Variants in TMC1 observed in about 807,000 individuals in gnomAD.
TMC1 encodes transmembrane channel like 1, also known as transmembrane channel-like protein 1.
Under a neutral mutation model 105.8 loss-of-function variants are expected in TMC1, and 84 were observed. The observed-to-expected ratio is 0.79, with a 90% CI of 0.67 to 0.95. The LOEUF (loss-of-function observed/expected upper bound fraction) is 0.95, where lower values mean the gene tolerates loss of function less well. TMC1 is among the 40% of genes least tolerant of loss of function. TMC1 has a pLI of 0.00. For synonymous variants in TMC1, 315 were observed against 311.5 expected (o/e 1.01, Z -0.12); for missense variants, 817 against 914.1 (o/e 0.89, Z 1.37).
chr9:72,545,924 C>T (rs1823758243), intron 1 of TMC1, among the ~76,000 whole-genome samples: 1 of 150,640 alleles, frequency 6.6e-6, no homozygotes, highest in Non-Finnish European at 1.5e-5. Flanking sequence ...AATGTCATCG[C>T]TCAAAAAAGT....
chr9:72,585,165 T>C lies in TMC1; in HGVS notation c.-306+7142T>C, dbSNP rs1389625579. 2.7e-5 allele frequency among the ~76,000 whole-genome samples: 4 copies of C among 148,748 alleles called. No individual in the cohort carries two copies. The East Asian group carries it at 8.1e-4, about 30-fold the overall frequency. On this transcript the variant is annotated intron_variant, in intron 2 of 23. Coordinates refer to ENST00000297784, the MANE Select transcript of TMC1 (RefSeq NM_138691.3). ...TGGGTGCCATGTCTTTTTTTTTTTT[T>C]TTTGAGATGGAGTCTTGCTCTGTCG... is the stretch of plus-strand genomic sequence containing the variant.
chr9:72,769,725 C>G (rs140145128), intron 12 of TMC1, among the ~76,000 whole-genome samples: 7 of 152,264 alleles, frequency 4.6e-5, no homozygotes, highest in African/African-American at 1.7e-4. Flanking sequence ...TAAATGTTCA[C>G]GAAATGTATA....
At chr9:72,652,403 G>C (rs576212374) in intron 5 of TMC1, among the ~76,000 whole-genome samples, 1 of 152,100 alleles carries the variant, frequency 6.6e-6, no homozygotes, top group Admixed American at 6.6e-5. Flanking sequence ...AGAATGACAA[G>C]GGAAGATGGC....
chr9:72,528,009 T>G (rs1023727196), intron 1 of TMC1, among the ~76,000 whole-genome samples: 1 of 152,170 alleles, frequency 6.6e-6, no homozygotes, highest in Non-Finnish European at 1.5e-5. Flanking sequence ...TCTGCTGTGG[T>G]CTGAATGTTT....
rs1829149833 is a variant in TMC1 at position 72,837,891 on chromosome 9, A to G, written c.*1918A>G. The stretch of plus-strand genomic sequence containing the variant: ...CAGATTGACTTCCATTCTCAATCTT[A>G]TCACTCCCTTTTTAGGATTCCTTGG... On this transcript the variant is annotated 3_prime_UTR_variant, in exon 24 of 24. Coordinates refer to ENST00000297784, the MANE Select transcript of TMC1 (RefSeq NM_138691.3). 1 of 152,328 alleles carries G rather than the reference A, an allele frequency of 6.6e-6. No homozygotes were observed. The highest frequency in any genetic ancestry group is 1.9e-4 in the East Asian group (1 of 5,192). 9.4% of individuals were successfully genotyped at this position (152,328 alleles called of 1,614,324 possible).
At chr9:72,617,752 C>T (rs1825158880) in intron 3 of TMC1, among the ~76,000 whole-genome samples, 2 of 152,064 alleles carry the variant, frequency 1.3e-5, no homozygotes, top group Non-Finnish European at 2.9e-5. Context: ...ACTGTGTGAA[C>T]CCAAGATGTT....
intron 5 of TMC1, among the ~76,000 whole-genome samples, chr9:72,685,657 C>T (rs1826369256): frequency 6.6e-6 from 1 of 152,124 alleles, no homozygotes; most frequent in Non-Finnish European, 1.5e-5. Context: ...AGCCACTGCG[C>T]CTGGCCTATA....
intron 1 of TMC1, among the ~76,000 whole-genome samples, chr9:72,572,608 G>A (rs1824307813): frequency 6.6e-6 from 1 of 152,130 alleles, no homozygotes; most frequent in Non-Finnish European, 1.5e-5. Flanking sequence ...GCTTCCTAAA[G>A]GGGTAATACC....
chr9:72,798,937 T>C (rs1828420658), intron 17 of TMC1, among the ~76,000 whole-genome samples: 1 of 152,120 alleles, frequency 6.6e-6, no homozygotes, highest in African/African-American at 2.4e-5. Flanking sequence ...AAAAAAATAC[T>C]ATTTTAAGTT....
rs1829154685 is a variant in TMC1 at position 72,838,216 on chromosome 9, A to T, written c.*2243A>T. On this transcript the variant is annotated 3_prime_UTR_variant, in exon 24 of 24. Coordinates refer to ENST00000297784, the MANE Select transcript of TMC1 (RefSeq NM_138691.3). ...TTTACTATGATGTAAGAAATGGATT[A>T]TCTGTTGATAGGCTGAGTTTATTGT... 6.6e-6 allele frequency: 1 copy of T among 152,248 alleles called. No individual in the cohort carries two copies. Among genetic ancestry groups the T allele is most frequent in the South Asian group, 2.1e-4 (1 of 4,836 alleles). 9.4% of individuals were successfully genotyped at this position (152,248 alleles called of 1,614,324 possible).
intron 1 of TMC1, among the ~76,000 whole-genome samples, chr9:72,553,903 T>C (rs745621718): frequency 1.3e-5 from 2 of 152,214 alleles, no homozygotes; most frequent in South Asian, 4.1e-4. Context: ...ACGACTATTA[T>C]ATCTGAAAAC....
intron 17 of TMC1, among the ~76,000 whole-genome samples, chr9:72,794,811 G>A (rs992154176): frequency 2.0e-5 from 3 of 152,186 alleles, no homozygotes; most frequent in African/African-American, 7.2e-5. Flanking sequence ...AATTCAGACT[G>A]TGGAGAGGAA....
chr9:72,764,403 G>A (rs562637736), intron 12 of TMC1, among the ~76,000 whole-genome samples: 8 of 152,086 alleles, frequency 5.3e-5, no homozygotes, highest in African/African-American at 1.9e-4. Context: ...TCCTCCTTGC[G>A]AAATGAAAGA....
intron 8 of TMC1, among the ~76,000 whole-genome samples, chr9:72,720,373 G>A (rs1312226078): frequency 6.6e-6 from 1 of 152,146 alleles, no homozygotes; most frequent in African/African-American, 2.4e-5. Flanking sequence ...GAGAAGTAAG[G>A]GGAAAGAGAT....
intron 11 of TMC1, 95 bp downstream of exon 11, chr9:72,752,051 A>C: frequency 3.4e-6 from 3 of 881,202 alleles, no homozygotes; most frequent in Non-Finnish European, 5.7e-6. Flanking sequence ...TTAACTGGCT[A>C]TTTTCACGTC....
chr9:72,547,056 G>T (rs556719891), intron 1 of TMC1, among the ~76,000 whole-genome samples: 1 of 152,156 alleles, frequency 6.6e-6, no homozygotes, highest in African/African-American at 2.4e-5. Context: ...GGAGGCCAAG[G>T]CAAGTGGATC....
intron 5 of TMC1, among the ~76,000 whole-genome samples, chr9:72,685,536 G>A (rs1272193147): frequency 3.3e-5 from 5 of 151,760 alleles, no homozygotes; most frequent in Non-Finnish European, 5.9e-5. Context: ...GCTAATTTTT[G>A]TGTTTGTAGT....
chr9:72,524,624 C>T (rs1449944903), intron 1 of TMC1, among the ~76,000 whole-genome samples: 2 of 152,160 alleles, frequency 1.3e-5, no homozygotes, highest in African/African-American at 4.8e-5. Context: ...TCATGCCTTC[C>T]TTTCCCTGCA....
chr9:72,653,631 AATATACT>A (rs1825845020), intron 5 of TMC1, among the ~76,000 whole-genome samples: 1 of 152,206 alleles, frequency 6.6e-6, no homozygotes, highest in African/African-American at 2.4e-5. Flanking sequence ...CTTTAGGCAC[AATATACT>A]ATATACATTT....
Sources: allele counts gnomAD v4.1 joint callset (sites outside exome capture counted in the v4.1 genomes callset), GRCh38; gene constraint gnomAD v4.1.1; transcripts MANE v1.5; gene names NCBI Gene and HGNC (gene_info 2026-07-23, HGNC 2026-07-21).